RNLS: variants seen among roughly 807,000 people sequenced by gnomAD.
RNLS encodes renalase, FAD dependent amine oxidase, also known as renalase.
In RNLS, 39 loss-of-function variants were observed where a neutral mutation model predicts 39.8. The observed-to-expected ratio is 0.98, with a 90% CI of 0.76 to 1.28. RNLS has a LOEUF of 1.28. Ranked by LOEUF, RNLS falls within the 50% of genes most tolerant of loss-of-function variation. The probability of loss-of-function intolerance (pLI) is 0.00; values close to 1 mark genes in which losing one functional copy is unlikely to be tolerated. For synonymous variants in RNLS, 147 were observed against 150.7 expected, an observed-to-expected ratio of 0.98 and a Z score of 0.18; for missense variants, 410 against 413.3, an observed-to-expected ratio of 0.99 and a Z score of 0.07.
intron 4 of RNLS, among the ~76,000 whole-genome samples, chr10:88,558,717 A>G (rs960558918): frequency 6.6e-6 from 1 of 152,176 alleles, no homozygotes; most frequent in Admixed American, 6.6e-5. Flanking sequence ...CAGACTCCCA[A>G]TCTGCCATTT....
At chr10:88,402,184 A>T (rs1454349734) in intron 4 of RNLS, among the ~76,000 whole-genome samples, 3 of 152,040 alleles carry the variant, frequency 2.0e-5, no homozygotes, top group African/African-American at 7.2e-5. Flanking sequence ...CCCTTCTCAC[A>T]GTACAGAAAC....
intron 3 of RNLS, among the ~76,000 whole-genome samples, chr10:88,576,628 G>A (rs143759271): frequency 5.9e-5 from 9 of 152,240 alleles, no homozygotes; most frequent in African/African-American, 9.6e-5. Context: ...AAAGGACATC[G>A]TTACGGATGA....
chr10:88,478,891 TTC>T (rs1196669935), intron 4 of RNLS, among the ~76,000 whole-genome samples: 2 of 150,882 alleles, frequency 1.3e-5, no homozygotes, highest in Non-Finnish European at 2.9e-5. Context: ...CTTTCTTTCT[TTC>T]TCTTTCTTTC....
chr10:88,453,443 G>T (rs182083515), intron 4 of RNLS, among the ~76,000 whole-genome samples: 1 of 152,306 alleles, frequency 6.6e-6, no homozygotes, highest in East Asian at 1.9e-4. Flanking sequence ...AGCTGCAAAG[G>T]TCTCACTGGG....
intron 4 of RNLS, among the ~76,000 whole-genome samples, chr10:88,558,721 G>A (rs148702468): frequency 1.4e-4 from 21 of 152,166 alleles, no homozygotes; most frequent in Admixed American, 2.6e-4. Context: ...CTCCCAATCT[G>A]CCATTTAGCA....
intron 6 of RNLS, among the ~76,000 whole-genome samples, chr10:88,287,548 A>G (rs1181818585): frequency 6.6e-6 from 1 of 152,158 alleles, no homozygotes; most frequent in Admixed American, 6.6e-5. Context: ...ATAGTCTAAT[A>G]GCAAGGGATA....
intron 5 of RNLS, among the ~76,000 whole-genome samples, chr10:88,337,627 G>T (rs1288000225): frequency 6.6e-6 from 1 of 152,226 alleles, no homozygotes; most frequent in Non-Finnish European, 1.5e-5. Flanking sequence ...CATCATGAAT[G>T]AATCCAATGC....
chr10:88,171,538 C>G, the RNLS span, among the ~76,000 whole-genome samples: 1 of 152,234 alleles, frequency 6.6e-6, no homozygotes, highest in South Asian at 2.1e-4. Flanking sequence ...ATATCCAGAT[C>G]GTTGTTCTTT....
At chr10:88,266,739 CA>C in the RNLS span, among the ~76,000 whole-genome samples, 1,175 of 147,924 alleles carry the variant, frequency 7.9e-3, 7 homozygotes, top group South Asian at 0.019. Context: ...ACACACACCC[CA>C]CACACACCAC....
At chr10:88,326,582 T>G (rs1169598286) in intron 5 of RNLS, among the ~76,000 whole-genome samples, 1 of 152,204 alleles carries the variant, frequency 6.6e-6, no homozygotes, top group Non-Finnish European at 1.5e-5. Flanking sequence ...AAATAGATGA[T>G]TTGAAATTGG....
At chr10:88,203,470 A>ACGTGTG in the RNLS span, among the ~76,000 whole-genome samples, 2 of 1,390 alleles carry the variant, frequency 1.4e-3, no homozygotes, top group African/African-American at 0.015. Context: ...ATATATATAT[A>ACGTGTG]TATATATATA....
chr10:88,236,045 G>A, the RNLS span, among the ~76,000 whole-genome samples: 1 of 152,172 alleles, frequency 6.6e-6, no homozygotes. Flanking sequence ...ATCTTTAAGT[G>A]TAGTATTTAT....
exon 7 of RNLS, chr10:88,274,764 C>A: frequency 2.4e-6 from 1 of 422,358 alleles, no homozygotes; most frequent in Non-Finnish European, 4.4e-6. Context: ...AAGAAATTGC[C>A]GTATCATTTT....
intron 5 of RNLS, among the ~76,000 whole-genome samples, chr10:88,318,422 T>C (rs1333449259): frequency 1.3e-5 from 2 of 152,240 alleles, no homozygotes. Context: ...TTGCCACCTT[T>C]AGCCACTGTT....
At chr10:88,378,067 A>G (rs1851165235) in intron 4 of RNLS, among the ~76,000 whole-genome samples, 1 of 152,094 alleles carries the variant, frequency 6.6e-6, no homozygotes, top group South Asian at 2.1e-4. Flanking sequence ...CGTCAATATC[A>G]CTGTCTTCCA....
At chr10:88,203,714 AT>A in the RNLS span, among the ~76,000 whole-genome samples, 6 of 150,424 alleles carry the variant, frequency 4.0e-5, no homozygotes, top group Non-Finnish European at 8.9e-5. Flanking sequence ...CCTTAGATTT[AT>A]TTTACAAACA....
At chr10:88,198,469 G>A in the RNLS span, among the ~76,000 whole-genome samples, 4 of 152,154 alleles carry the variant, frequency 2.6e-5, no homozygotes, top group Admixed American at 6.5e-5. Flanking sequence ...AGTTTCATAC[G>A]ATGCATATTT....
At chr10:88,229,919 TG>T in the RNLS span, among the ~76,000 whole-genome samples, 1 of 152,234 alleles carries the variant, frequency 6.6e-6, no homozygotes, top group Non-Finnish European at 1.5e-5. Flanking sequence ...TCTTGGTGGA[TG>T]GGCATTGGGG....
chr10:88,224,854 A>C, the RNLS span, among the ~76,000 whole-genome samples: 1 of 152,222 alleles, frequency 6.6e-6, no homozygotes, highest in Non-Finnish European at 1.5e-5. Flanking sequence ...TAAGTAGTGT[A>C]TTATATGCAT....
Sources: allele counts gnomAD v4.1 joint callset (sites outside exome capture counted in the v4.1 genomes callset), GRCh38; gene constraint gnomAD v4.1.1; transcripts MANE v1.5; gene names NCBI Gene and HGNC (gene_info 2026-07-23, HGNC 2026-07-21).